Variants in CR1L observed in about 807,000 individuals in gnomAD.
The protein encoded by CR1L is complement C3b/C4b receptor 1 like.
CR1L carries 59 observed loss-of-function variants against 62.3 expected under a neutral mutation model. That is an observed-to-expected ratio of 0.95 (90% CI 0.77 to 1.18). CR1L has a LOEUF of 1.18. CR1L is among the 50% of genes most tolerant of loss of function. The pLI is 0.00. For synonymous variants in CR1L, 279 were observed against 248.7 expected (o/e 1.12, Z -1.15); for missense variants, 700 against 702.8 (o/e 1.00, Z 0.04).
At chr1:207,686,727 G>A (rs577672940) in intron 4 of CR1L, among the ~76,000 whole-genome samples, 34 of 152,220 alleles carry the variant, frequency 2.2e-4, no homozygotes, top group African/African-American at 8.2e-4. Context: ...TCATAAAGTT[G>A]TATATTACGG....
intron 10 of CR1L, chr1:207,710,421 A>G (rs1664335239): frequency 1.9e-6 from 3 of 1,567,186 alleles, no homozygotes; most frequent in Non-Finnish European, 1.8e-6. Flanking sequence ...ACCAATGGAT[A>G]TTTCATTAGC....
chr1:207,716,659 A>G (rs1173498344), intron 10 of CR1L, among the ~76,000 whole-genome samples: 3 of 152,222 alleles, frequency 2.0e-5, no homozygotes, highest in Non-Finnish European at 2.9e-5. Context: ...CCTTACAGAG[A>G]CACATAGAGC....
chr1:207,704,450 A>G (rs1469653142), intron 9 of CR1L, among the ~76,000 whole-genome samples: 1 of 152,276 alleles, frequency 6.6e-6, no homozygotes, highest in African/African-American at 2.4e-5. Context: ...AAGCAGCAGC[A>G]GTATCTGGGA....
Position 207,645,298 on chromosome 1 carries a change from C to A in CR1L, c.65C>A (p.Ala22Glu), listed in dbSNP as rs376112629. 1.3e-5 allele frequency: 21 copies of A among 1,613,864 alleles called. No homozygotes were observed. Among genetic ancestry groups the A allele is most frequent in the African/African-American group, 9.3e-5 (7 of 74,922 alleles). Residue 22 changes from alanine to glutamate, a missense_variant, in exon 1 of 12, where the codon GCG becomes GAG. Physicochemically the swap from Ala to Glu is moderately radical, Grantham distance 107 (BLOSUM62 -1). Transcript: ENST00000508064. ...PSRRFPGLLL[A>E]ALVLLLSSFS... Reference sequence around the variant, plus strand: ...CGGCGCTTTCCTGGGTTGCTTCTGGCGGCCCTGGTGTTGCTGCTGTCCTCC... The same window carrying A: ...CGGCGCTTTCCTGGGTTGCTTCTGGAGGCCCTGGTGTTGCTGCTGTCCTCC...
At chr1:207,717,394 A>T (rs1654027771) in intron 10 of CR1L, 70 bp from the exon 11 acceptor site, 4 of 1,511,760 alleles carry the variant, frequency 2.6e-6, no homozygotes, top group Non-Finnish European at 3.6e-6. Context: ...GCACTGTCGC[A>T]GGTCACTAAT....
chr1:207,715,422 T>G, intron 10 of CR1L: 1 of 1,431,154 alleles, frequency 7.0e-7, no homozygotes, highest in South Asian at 1.1e-5. Flanking sequence ...CTACGTAGTT[T>G]GGATAGCTCT....
At chr1:207,709,894 A>T (rs1664326309) in intron 10 of CR1L, among the ~76,000 whole-genome samples, 1 of 152,122 alleles carries the variant, frequency 6.6e-6, no homozygotes, top group Non-Finnish European at 1.5e-5. Flanking sequence ...TAGCAAAGTA[A>T]TGTTAACTAC....
chr1:207,705,992 CAT>C (rs1349505043), intron 9 of CR1L, among the ~76,000 whole-genome samples: 1 of 122,736 alleles, frequency 8.1e-6, no homozygotes, highest in African/African-American at 3.0e-5. Context: ...ATATATGTGT[CAT>C]ATATATGTGT....
chr1:207,710,534 T>G lies in CR1L; in HGVS notation c.1414+2271T>G, dbSNP rs552523749. On this transcript the variant is annotated intron_variant, in intron 10 of 11. Coordinates refer to ENST00000508064, the MANE Select transcript of CR1L (RefSeq NM_175710.2). The stretch of plus-strand genomic sequence containing the variant: ...TGAGCTCGTGGGTGAGCCCTCCATA[T>G]ACTGCACCAGCAAAGATGATCAAGT... 1.2e-4 allele frequency: 194 copies of G among 1,609,282 alleles called. 1 individual carries two copies. The South Asian group carries it at 2.0e-3, about 17-fold the overall frequency.
intron 4 of CR1L, among the ~76,000 whole-genome samples, chr1:207,684,348 A>G (rs1663861558): frequency 6.6e-6 from 1 of 152,206 alleles, no homozygotes; most frequent in Non-Finnish European, 1.5e-5. Flanking sequence ...GTACCACGAG[A>G]TCAACACATC....
chr1:207,704,015 C>A (rs895125361), intron 9 of CR1L, among the ~76,000 whole-genome samples: 3 of 152,142 alleles, frequency 2.0e-5, no homozygotes, highest in African/African-American at 7.2e-5. Context: ...ATAGTTCCCA[C>A]AGACAGTAAT....
chr1:207,693,994 T>C (rs1664032668), intron 4 of CR1L, among the ~76,000 whole-genome samples: 1 of 152,194 alleles, frequency 6.6e-6, no homozygotes, highest in East Asian at 1.9e-4. Flanking sequence ...AAGGTTTTTA[T>C]ATTTTATTTT....
intron 10 of CR1L, among the ~76,000 whole-genome samples, chr1:207,713,309 T>A (rs1218573446): frequency 2.0e-5 from 3 of 152,248 alleles, no homozygotes; most frequent in African/African-American, 7.2e-5. Flanking sequence ...AAGGCAAAGG[T>A]TGTTTTAGGA....
chr1:207,658,278 T>C (rs1663348973), intron 1 of CR1L, among the ~76,000 whole-genome samples: 1 of 140,972 alleles, frequency 7.1e-6, no homozygotes, highest in Non-Finnish European at 1.5e-5. Flanking sequence ...ATGATAAAGA[T>C]AGAGCCAAAA....
intron 10 of CR1L, among the ~76,000 whole-genome samples, chr1:207,716,623 A>G (rs1478482539): frequency 6.6e-6 from 1 of 152,224 alleles, no homozygotes; most frequent in Non-Finnish European, 1.5e-5. Context: ...ATACCTGAGG[A>G]AACTCAAGTA....
chr1:207,679,423 A>G (rs1663761722), intron 3 of CR1L, among the ~76,000 whole-genome samples: 1 of 152,106 alleles, frequency 6.6e-6, no homozygotes. Flanking sequence ...TCACATTAAT[A>G]GGAACTGGGG....
chr1:207,654,565 T>G (rs1375799429), intron 1 of CR1L, among the ~76,000 whole-genome samples: 3 of 152,156 alleles, frequency 2.0e-5, no homozygotes, highest in Non-Finnish European at 2.9e-5. Context: ...TGAGTATAGG[T>G]GTATACTCAA....
At chr1:207,687,781 A>G (rs1246252353) in intron 4 of CR1L, among the ~76,000 whole-genome samples, 1 of 152,104 alleles carries the variant, frequency 6.6e-6, no homozygotes, top group Non-Finnish European at 1.5e-5. Flanking sequence ...TGGTTTGTCT[A>G]TGATTTTATT....
chr1:207,708,597 G>A (rs145247092), intron 10 of CR1L, among the ~76,000 whole-genome samples: 103 of 152,268 alleles, frequency 6.8e-4, no homozygotes, highest in African/African-American at 2.3e-3. Context: ...GAAAGAAACC[G>A]CATATCCTCT....
Sources: gnomAD v4.1 joint callset for allele counts (sites outside exome capture counted in the v4.1 genomes callset) on GRCh38, gnomAD v4.1.1 for gene constraint, MANE v1.5 for transcripts, NCBI Gene and HGNC (gene_info 2026-07-23, HGNC 2026-07-21) for gene names.